Variants in WWOX observed in about 807,000 individuals in gnomAD.
The protein encoded by WWOX is WW domain-containing oxidoreductase.
WWOX carries 69 observed loss-of-function variants against 46.2 expected under a neutral mutation model. That is an observed-to-expected ratio of 1.49 (90% CI 1.23 to 1.82). The LOEUF (loss-of-function observed/expected upper bound fraction) is 1.82, where lower values mean the gene tolerates loss of function less well. Among genes scored for constraint, WWOX ranks in the 40% most tolerant of loss-of-function variants. WWOX has a pLI of 0.00. For missense variants in WWOX, 919 were observed against 542.6 expected (o/e 1.69, Z -6.89); for synonymous variants, 359 against 202.6 (o/e 1.77, Z -6.56).
intron 8 of WWOX, among the ~76,000 whole-genome samples, chr16:78,687,532 T>C (rs973075214): frequency 1.3e-5 from 2 of 152,222 alleles, no homozygotes; most frequent in Non-Finnish European, 1.5e-5. Context: ...CTTGCCATTC[T>C]ATGTTTTATC....
Position 78,351,388 on chromosome 16 carries a change from C to T in WWOX, c.517-35472C>T, listed in dbSNP as rs540321070. 3.9e-5 allele frequency among the ~76,000 whole-genome samples: 6 copies of T among 152,256 alleles called. No individual in the cohort carries two copies. In the South Asian group the frequency reaches 1.0e-3, roughly 26 times the overall value. The stretch of plus-strand genomic sequence containing the variant: ...TTGTGTCAGGTAGAAAACTGGGATG[C>T]CCGACTGCATTGGTTTAGCCAGAAC... On this transcript the variant is annotated intron_variant, in intron 5 of 8. Coordinates refer to ENST00000566780, the MANE Select transcript of WWOX (RefSeq NM_016373.4).
At chr16:78,689,335 C>T (rs1296060520) in intron 8 of WWOX, among the ~76,000 whole-genome samples, 4 of 152,250 alleles carry the variant, frequency 2.6e-5, no homozygotes, top group African/African-American at 7.2e-5. Context: ...CTCATGCTCT[C>T]TAAACACCCC....
chr16:78,760,152 A>AAAGGCAC (rs1325548492), intron 8 of WWOX, among the ~76,000 whole-genome samples: 1 of 152,192 alleles, frequency 6.6e-6, no homozygotes, highest in African/African-American at 2.4e-5. Flanking sequence ...GCGGAAGGCA[A>AAAGGCAC]AAGGCACATC....
intron 4 of WWOX, among the ~76,000 whole-genome samples, chr16:78,154,003 C>T (rs1333753182): frequency 6.6e-6 from 1 of 152,112 alleles, no homozygotes; most frequent in Non-Finnish European, 1.5e-5. Flanking sequence ...CCCCACCTGT[C>T]CAACCTACCA....
chr16:79,208,240 C>T (rs933039641), intron 8 of WWOX, among the ~76,000 whole-genome samples: 2 of 152,138 alleles, frequency 1.3e-5, no homozygotes, highest in Admixed American at 6.5e-5. Context: ...TAAAAAGATT[C>T]TTCTGGGCTT....
chr16:78,365,521 C>G (rs545762097), intron 5 of WWOX, among the ~76,000 whole-genome samples: 1 of 152,260 alleles, frequency 6.6e-6, no homozygotes. Flanking sequence ...CAAAAAGATT[C>G]AGATTCCTGC....
chr16:79,062,023 G>T (rs926708833), intron 8 of WWOX, among the ~76,000 whole-genome samples: 9 of 152,136 alleles, frequency 5.9e-5, no homozygotes. Flanking sequence ...TTCTTCAAGG[G>T]AGAGTATGGT....
intron 8 of WWOX, among the ~76,000 whole-genome samples, chr16:78,713,264 ACT>A (rs1169925526): frequency 1.1e-4 from 13 of 117,296 alleles, no homozygotes; most frequent in African/African-American, 4.9e-4. Flanking sequence ...ACAAAGTGAG[ACT>A]CTGTCTCAAA....
chr16:78,365,233 C>A (rs1011380274), intron 5 of WWOX, among the ~76,000 whole-genome samples: 1 of 152,152 alleles, frequency 6.6e-6, no homozygotes, highest in East Asian at 1.9e-4. Context: ...TCTGTGTCAC[C>A]TTCTGACATT....
chr16:78,904,411 G>A (rs2044908509), intron 8 of WWOX, among the ~76,000 whole-genome samples: 1 of 151,802 alleles, frequency 6.6e-6, no homozygotes, highest in Admixed American at 6.6e-5. Flanking sequence ...GCTAATTTTT[G>A]TATTTTTAGT....
At position 78,944,957 on chromosome 16, in the gene WWOX, T is replaced by C. The variant is rs539717247; in HGVS notation, c.1057-266651T>C. On this transcript the variant is annotated intron_variant, in intron 8 of 8. Transcript: ENST00000566780. ...ACTTTCAGAGGCCGAGGCAGGGAGA[T>C]CACTTGAGATCAGGAGTTCAAGACC... Among the ~76,000 whole-genome samples, 54 of 152,128 alleles carry C rather than the reference T, an allele frequency of 3.5e-4. No homozygotes were observed. In the South Asian group the frequency reaches 0.011, roughly 30 times the overall value.
At chr16:78,315,327 A>C (rs1220220334) in intron 5 of WWOX, among the ~76,000 whole-genome samples, 1 of 152,182 alleles carries the variant, frequency 6.6e-6, no homozygotes, top group Admixed American at 6.5e-5. Context: ...TTTAGAGGAT[A>C]ACTCTGTAGT....
chr16:78,885,262 C>G (rs1401799832), intron 8 of WWOX, among the ~76,000 whole-genome samples: 1 of 144,442 alleles, frequency 6.9e-6, no homozygotes, highest in Admixed American at 7.1e-5. Flanking sequence ...AAAAAATACT[C>G]TTGCCTTCTT....
In WWOX at chr16:79,151,683, A is replaced by G. The variant is rs1023449226; in HGVS notation, c.1057-59925A>G. On this transcript the variant is annotated intron_variant, in intron 8 of 8. Coordinates refer to ENST00000566780, the MANE Select transcript of WWOX (RefSeq NM_016373.4). The stretch of plus-strand genomic sequence containing the variant: ...GGGTGCTAGAGGATAGGCAAGAAGT[A>G]AGTGGCCACCCTATCTCGTGTTGAG... Among the ~76,000 whole-genome samples, 27 of 65,024 alleles carry G rather than the reference A, an allele frequency of 4.2e-4. No homozygotes were observed. The South Asian group carries it at 5.2e-3, about 12-fold the overall frequency. The allele number at this position is 65,024 out of a possible 152,430, so 42.7% of individuals were successfully genotyped here.
intron 5 of WWOX, among the ~76,000 whole-genome samples, chr16:78,203,058 A>C (rs1325778796): frequency 6.6e-6 from 1 of 152,196 alleles, no homozygotes. Context: ...AACAAAACAC[A>C]ATCACATCCT....
intron 8 of WWOX, among the ~76,000 whole-genome samples, chr16:79,036,167 T>C (rs1435921986): frequency 2.6e-5 from 4 of 152,208 alleles, no homozygotes; most frequent in African/African-American, 9.7e-5. Context: ...GAGATTTCCT[T>C]GGGTCAGGTT....
At chr16:79,058,135 A>AC (rs1283807927) in intron 8 of WWOX, among the ~76,000 whole-genome samples, 20 of 146,684 alleles carry the variant, frequency 1.4e-4, no homozygotes, top group South Asian at 6.3e-4. Context: ...CAAACAAAAA[A>AC]AAAAAACTCC....
chr16:78,854,782 C>G (rs756724646), intron 8 of WWOX, among the ~76,000 whole-genome samples: 1 of 152,222 alleles, frequency 6.6e-6, no homozygotes, highest in African/African-American at 2.4e-5. Flanking sequence ...GGTTTCACCA[C>G]TTTTGGCCAG....
At chr16:78,280,351 T>A (rs1597439941) in intron 5 of WWOX, among the ~76,000 whole-genome samples, 1 of 152,180 alleles carries the variant, frequency 6.6e-6, no homozygotes, top group East Asian at 1.9e-4. Flanking sequence ...TATTAACAGT[T>A]TGTGATATTC....
Sources: allele counts gnomAD v4.1 joint callset (sites outside exome capture counted in the v4.1 genomes callset), GRCh38; gene constraint gnomAD v4.1.1; transcripts MANE v1.5; gene names NCBI Gene and HGNC (gene_info 2026-07-23, HGNC 2026-07-21).